Variants in ATP9B observed in about 807,000 individuals in gnomAD.
ATP9B encodes probable phospholipid-transporting ATPase IIB.
ATP9B carries 110 observed loss-of-function variants against 146.1 expected under a neutral mutation model. That is an observed-to-expected ratio of 0.75 (90% CI 0.65 to 0.88). The LOEUF (loss-of-function observed/expected upper bound fraction) is 0.88, where lower values mean the gene tolerates loss of function less well. Among genes scored for constraint, ATP9B ranks in the 40% least tolerant of loss-of-function variants. The pLI is 0.00. For missense variants in ATP9B, 1,499 were observed against 1,496.4 expected (o/e 1.00, Z -0.03); for synonymous variants, 604 against 569.7 (o/e 1.06, Z -0.86).
chr18:79,110,586 A>G (rs117920011), intron 3 of ATP9B, 81 bp downstream of exon 3: 17,639 of 1,362,814 alleles, frequency 0.013, 144 homozygotes, highest in Non-Finnish European at 0.016. Context: ...GCCTGTTGAG[A>G]CTCTGACTTA....
At chr18:79,347,072 C>T (rs931966023) in intron 23 of ATP9B, among the ~76,000 whole-genome samples, 2 of 152,226 alleles carry the variant, frequency 1.3e-5, no homozygotes, top group African/African-American at 4.8e-5. Flanking sequence ...GCGAGCCTTT[C>T]CATGGCCTCC....
Position 79,322,382 on chromosome 18 carries a change from G to A in ATP9B, c.1774-6759G>A, listed in dbSNP as rs183784481. On this transcript the variant is annotated intron_variant, in intron 15 of 29. Transcript: ENST00000426216. ...TTGACATCTGCCACCATTGCTGCAC[G>A]GCACACCATCCCAAATGTGGGGCAC... is the stretch of plus-strand genomic sequence containing the variant. 4.6e-5 allele frequency among the ~76,000 whole-genome samples: 7 copies of A among 152,282 alleles called. No individual in the cohort carries two copies. In the South Asian group the frequency reaches 1.0e-3, roughly 23 times the overall value.
At chr18:79,154,204 G>A (rs11872480) in intron 6 of ATP9B, among the ~76,000 whole-genome samples, 3,920 of 151,142 alleles carry the variant, frequency 0.026, 188 homozygotes, top group African/African-American at 0.089. Flanking sequence ...CTCATGATCC[G>A]CCTGCCTCGG....
intron 7 of ATP9B, among the ~76,000 whole-genome samples, chr18:79,155,785 T>TG (rs1251215242): frequency 8.5e-6 from 1 of 117,528 alleles, no homozygotes; most frequent in Non-Finnish European, 1.6e-5. Flanking sequence ...TTTTTTGAGA[T>TG]GGAGTCTCGC....
chr18:79,238,704 C>G (rs543950394), intron 11 of ATP9B, among the ~76,000 whole-genome samples: 2 of 152,312 alleles, frequency 1.3e-5, no homozygotes, highest in South Asian at 4.1e-4. Flanking sequence ...CTTCCTGTCT[C>G]TACCCTAACT....
At chr18:79,302,227 C>T (rs1358876331) in intron 13 of ATP9B, among the ~76,000 whole-genome samples, 1 of 152,198 alleles carries the variant, frequency 6.6e-6, no homozygotes, top group Non-Finnish European at 1.5e-5. Flanking sequence ...CAGCAGTATC[C>T]GTGGATAACC....
chr18:79,248,747 T>C (rs1194678674), intron 11 of ATP9B, among the ~76,000 whole-genome samples: 1 of 152,236 alleles, frequency 6.6e-6, no homozygotes, highest in African/African-American at 2.4e-5. Context: ...AGAGTTTAAA[T>C]TGGCTATTTG....
At chr18:79,245,735 C>T (rs1198496642) in intron 11 of ATP9B, among the ~76,000 whole-genome samples, 189 of 145,330 alleles carry the variant, frequency 1.3e-3, no homozygotes, top group African/African-American at 4.8e-3. Flanking sequence ...GTGTGGAGGA[C>T]ACCGCCCTGC....
At chr18:79,376,478 C>G (rs1361714207) in intron 29 of ATP9B, 1 of 859,888 alleles carries the variant, frequency 1.2e-6, no homozygotes, top group Non-Finnish European at 1.4e-6. Flanking sequence ...CAACCTCTGC[C>G]TCCTGAGTTC....
intron 25 of ATP9B, among the ~76,000 whole-genome samples, chr18:79,356,508 CTG>C (rs1176107981): frequency 6.6e-6 from 1 of 152,218 alleles, no homozygotes; most frequent in African/African-American, 2.4e-5. Flanking sequence ...GTTAAGCACA[CTG>C]TGGTTCATTT....
At chr18:79,270,000 T>G (rs4799025) in intron 12 of ATP9B, among the ~76,000 whole-genome samples, 1 of 152,090 alleles carries the variant, frequency 6.6e-6, no homozygotes, top group South Asian at 2.1e-4. Context: ...AGCCGGCTCC[T>G]GTTTGCCTGG....
At position 79,328,546 on chromosome 18, in the gene ATP9B, A is replaced by G. The variant is rs372068575; in HGVS notation, c.1774-595A>G. Among the ~76,000 whole-genome samples the G allele has an allele frequency of 2.4e-3, 367 of 152,322 alleles. 1 individual carries two copies. Among genetic ancestry groups the G allele is most frequent in the South Asian group, 6.4e-3 (31 of 4,822 alleles). On this transcript the variant is annotated intron_variant, in intron 15 of 29. Transcript: ENST00000426216. ...CAGAAGAGGAGCGTGGCCCCAGCAG[A>G]GTGAAGACCTGGCCACAGGAGTTCC... is the stretch of plus-strand genomic sequence containing the variant.
At chr18:79,141,641 C>T (rs1156653818) in intron 5 of ATP9B, among the ~76,000 whole-genome samples, 4 of 152,180 alleles carry the variant, frequency 2.6e-5, no homozygotes, top group African/African-American at 7.2e-5. Flanking sequence ...CACTTTGTGT[C>T]GTCGATTGCT....
intron 12 of ATP9B, among the ~76,000 whole-genome samples, chr18:79,268,973 C>A (rs911274705): frequency 1.3e-5 from 2 of 152,126 alleles, no homozygotes; most frequent in African/African-American, 4.8e-5. Context: ...CTCTTCCAGC[C>A]GCTTTTCTAT....
At chr18:79,148,069 A>C (rs2094620850) in intron 6 of ATP9B, among the ~76,000 whole-genome samples, 1 of 152,226 alleles carries the variant, frequency 6.6e-6, no homozygotes, top group Admixed American at 6.5e-5. Flanking sequence ...AAATAGAAGA[A>C]ATGGACAAAT....
At chr18:79,204,236 G>C (rs1229515838) in intron 9 of ATP9B, among the ~76,000 whole-genome samples, 4 of 152,182 alleles carry the variant, frequency 2.6e-5, no homozygotes, top group Admixed American at 2.6e-4. Flanking sequence ...GTACTTGAAT[G>C]TTCTTCTGTG....
intron 26 of ATP9B, among the ~76,000 whole-genome samples, chr18:79,365,508 C>G (rs535750759): frequency 6.6e-6 from 1 of 152,358 alleles, no homozygotes; most frequent in African/African-American, 2.4e-5. Flanking sequence ...CTAGGTATTT[C>G]TCCAAGAGAA....
intron 7 of ATP9B, among the ~76,000 whole-genome samples, chr18:79,169,055 G>A (rs2095029432): frequency 6.6e-6 from 1 of 152,188 alleles, no homozygotes; most frequent in South Asian, 2.1e-4. Context: ...GTCCTGCCTC[G>A]TTGAGGAGAC....
intron 9 of ATP9B, among the ~76,000 whole-genome samples, chr18:79,206,054 C>T (rs1225472209): frequency 6.6e-6 from 1 of 151,876 alleles, no homozygotes; most frequent in Non-Finnish European, 1.5e-5. Context: ...CATTCTCCTG[C>T]CTCAGCCTCC....
Sources: gnomAD v4.1 joint callset for allele counts (sites outside exome capture counted in the v4.1 genomes callset) on GRCh38, gnomAD v4.1.1 for gene constraint, MANE v1.5 for transcripts, NCBI Gene and HGNC (gene_info 2026-07-23, HGNC 2026-07-21) for gene names.